Variants in NELL1 observed in about 807,000 individuals in gnomAD.
NELL1 encodes neural EGFL like 1, also known as protein kinase C-binding protein NELL1.
Under a neutral mutation model 107.4 loss-of-function variants are expected in NELL1, and 76 were observed. That is an observed-to-expected ratio of 0.71 (90% CI 0.59 to 0.86). NELL1 has a LOEUF of 0.86. Among genes scored for constraint, NELL1 ranks in the 40% least tolerant of loss-of-function variants. The pLI, the probability that NELL1 is intolerant of heterozygous loss-of-function variation, is 0.00. For missense variants in NELL1, 1,024 were observed against 1,005.5 expected (o/e 1.02, Z -0.25); for synonymous variants, 353 against 341.2 (o/e 1.03, Z -0.38).
intron 15 of NELL1, among the ~76,000 whole-genome samples, chr11:21,460,430 T>A (rs1010713989): frequency 6.6e-6 from 1 of 152,094 alleles, no homozygotes. Flanking sequence ...AAAAGCTTTA[T>A]GATGACTTTT....
chr11:20,772,613 T>TTTCATTCATTCA (rs3045564), intron 2 of NELL1, among the ~76,000 whole-genome samples: 12,216 of 150,864 alleles, frequency 0.081, 565 homozygotes, highest in East Asian at 0.19. Flanking sequence ...ATTAGGCACT[T>TTTCATTCATTCA]TTCATTCATT....
At chr11:20,713,894 C>G (rs1012207740) in intron 2 of NELL1, among the ~76,000 whole-genome samples, 5 of 152,122 alleles carry the variant, frequency 3.3e-5, no homozygotes, top group African/African-American at 1.2e-4. Flanking sequence ...AAATTTGTTT[C>G]AGCTCTAGGT....
chr11:20,714,551 T>C (rs994868464), intron 2 of NELL1, among the ~76,000 whole-genome samples: 1 of 151,070 alleles, frequency 6.6e-6, no homozygotes, highest in South Asian at 2.1e-4. Flanking sequence ...AGGCAGGGTC[T>C]CACTCTCTAA....
chr11:21,082,620 T>A (rs1444233998), intron 12 of NELL1, among the ~76,000 whole-genome samples: 3 of 152,186 alleles, frequency 2.0e-5, no homozygotes, highest in African/African-American at 7.2e-5. Context: ...AAAGGCCAGA[T>A]CTTGCTCTAG....
At chr11:20,709,102 G>T (rs142569365) in intron 2 of NELL1, among the ~76,000 whole-genome samples, 60 of 152,186 alleles carry the variant, frequency 3.9e-4, no homozygotes, top group African/African-American at 1.3e-3. Context: ...CCCGGTTCCT[G>T]ACAAGGGGTT....
At chr11:21,513,031 G>A (rs979607857) in intron 15 of NELL1, among the ~76,000 whole-genome samples, 3 of 152,152 alleles carry the variant, frequency 2.0e-5, no homozygotes, top group African/African-American at 7.2e-5. Flanking sequence ...AGTAGTCAAG[G>A]TGATTGGACA....
At chr11:20,814,862 T>C (rs572260177) in intron 3 of NELL1, among the ~76,000 whole-genome samples, 2 of 152,338 alleles carry the variant, frequency 1.3e-5, no homozygotes, top group Middle Eastern at 3.4e-3. Flanking sequence ...TTTAGGTTTT[T>C]TGAGAAATCG....
chr11:20,969,146 T>C (rs1851443996), intron 12 of NELL1, among the ~76,000 whole-genome samples: 1 of 152,204 alleles, frequency 6.6e-6, no homozygotes, highest in Admixed American at 6.6e-5. Flanking sequence ...AGATAGGATT[T>C]GACTACTTAA....
At chr11:21,480,577 T>C (rs1854467400) in intron 15 of NELL1, among the ~76,000 whole-genome samples, 1 of 152,220 alleles carries the variant, frequency 6.6e-6, no homozygotes, top group Non-Finnish European at 1.5e-5. Flanking sequence ...ATTTCTGCTT[T>C]AAGCTAAAAT....
intron 3 of NELL1, among the ~76,000 whole-genome samples, chr11:20,788,212 G>T (rs1440862969): frequency 6.6e-6 from 1 of 152,108 alleles, no homozygotes; most frequent in African/African-American, 2.4e-5. Context: ...ATTTCCTTGG[G>T]TATATGACTA....
At chr11:21,147,267 A>C (rs890538182) in intron 13 of NELL1, among the ~76,000 whole-genome samples, 1 of 152,080 alleles carries the variant, frequency 6.6e-6, no homozygotes, top group African/African-American at 2.4e-5. Flanking sequence ...ATTTGCTGAG[A>C]GTTTTCTCAG....
intron 14 of NELL1, chr11:21,260,748 A>G (rs1312979544): frequency 6.6e-6 from 1 of 151,888 alleles, no homozygotes; most frequent in Non-Finnish European, 1.5e-5. Flanking sequence ...TTTTCTTGGC[A>G]TACTGAAGAA....
chr11:20,832,819 G>T (rs1300867924), intron 3 of NELL1, among the ~76,000 whole-genome samples: 1 of 152,170 alleles, frequency 6.6e-6, no homozygotes, highest in African/African-American at 2.4e-5. Context: ...GAGAGCTCAA[G>T]TCTTCCTAAC....
At chr11:20,904,217 A>T (rs917238786) in intron 5 of NELL1, among the ~76,000 whole-genome samples, 14 of 132,026 alleles carry the variant, frequency 1.1e-4, no homozygotes, top group South Asian at 6.5e-4. Context: ...ATAAATAAAT[A>T]AAAAAAAAAA....
Position 21,395,908 on chromosome 11 carries a change from C to CA in NELL1, c.1645+24967dup, listed in dbSNP as rs376377353. ...TTATTGATTAGAAAAATAAAACAAACAAAAAAACAAAAAAAGATCAACATT... is the reference window on the plus strand; with the variant it reads ...TTATTGATTAGAAAAATAAAACAAACAAAAAAAACAAAAAAAGATCAACATT... On this transcript the variant is annotated intron_variant, in intron 15 of 19. Coordinates refer to ENST00000357134, the MANE Select transcript of NELL1 (RefSeq NM_006157.5). 8.9e-3 allele frequency among the ~76,000 whole-genome samples: 1,342 copies of CA among 150,950 alleles called. 21 individuals are homozygous for CA. The highest frequency in any genetic ancestry group is 0.03 in the African/African-American group (1,253 of 41,244).
At chr11:20,760,554 A>G (rs748849039) in intron 2 of NELL1, among the ~76,000 whole-genome samples, 260 of 152,286 alleles carry the variant, frequency 1.7e-3, no homozygotes, top group Non-Finnish European at 2.8e-3. Flanking sequence ...CTCTGTCCTC[A>G]AGGGCATGGA....
chr11:21,118,611 A>G (rs1180644922), intron 13 of NELL1, among the ~76,000 whole-genome samples: 1 of 152,048 alleles, frequency 6.6e-6, no homozygotes, highest in East Asian at 1.9e-4. Flanking sequence ...CCAGATGATT[A>G]TTTGTTGGGA....
At chr11:21,080,878 T>A (rs1434349566) in intron 12 of NELL1, among the ~76,000 whole-genome samples, 1 of 151,906 alleles carries the variant, frequency 6.6e-6, no homozygotes, top group Non-Finnish European at 1.5e-5. Context: ...TTTGCCAATC[T>A]GATATATATT....
intron 12 of NELL1, among the ~76,000 whole-genome samples, chr11:21,091,119 T>A (rs1854510558): frequency 6.6e-6 from 1 of 152,234 alleles, no homozygotes; most frequent in Non-Finnish European, 1.5e-5. Context: ...TCAGGCAACA[T>A]CAGGAGGTCC....
Sources: allele counts gnomAD v4.1 joint callset (sites outside exome capture counted in the v4.1 genomes callset), GRCh38; gene constraint gnomAD v4.1.1; transcripts MANE v1.5; gene names NCBI Gene and HGNC (gene_info 2026-07-23, HGNC 2026-07-21).